Variants in RINT1 observed in about 807,000 individuals in gnomAD.
RINT1 encodes RAD50 interactor 1, also known as RAD50-interacting protein 1.
In RINT1, 75 loss-of-function variants were observed where a neutral mutation model predicts 97.7. The ratio of observed to expected loss-of-function variants is 0.77; its 90% CI spans 0.64 to 0.93. The LOEUF (loss-of-function observed/expected upper bound fraction) is 0.93, where lower values mean the gene tolerates loss of function less well. Among genes scored for constraint, RINT1 ranks in the 40% least tolerant of loss-of-function variants. RINT1 has a pLI of 0.00. For synonymous variants in RINT1, 303 were observed against 326.3 expected, an observed-to-expected ratio of 0.93 and a Z score of 0.77; for missense variants, 892 against 925.2, an observed-to-expected ratio of 0.96 and a Z score of 0.47.
chr7:105,553,514 A>G (rs570578256), intron 10 of RINT1, among the ~76,000 whole-genome samples: 3 of 150,244 alleles, frequency 2.0e-5, no homozygotes, highest in African/African-American at 7.3e-5. Flanking sequence ...AGGTCAGGAG[A>G]TCGAGACCAT....
At chr7:105,538,531 A>C (rs1223053355) in intron 3 of RINT1, among the ~76,000 whole-genome samples, 1 of 152,130 alleles carries the variant, frequency 6.6e-6, no homozygotes, top group African/African-American at 2.4e-5. Flanking sequence ...AGCTGAGTAG[A>C]TTGATGCCAA....
At position 105,532,326 on chromosome 7, in the gene RINT1, C is replaced by A; in HGVS notation, c.11C>A (p.Ala4Asp). The A allele has an allele frequency of 6.3e-7, 1 of 1,594,520 alleles. No individual in the cohort carries two copies. Residue 4 changes from alanine to aspartate, a missense_variant, in exon 1 of 15, where the codon GCC becomes GAC. Physicochemically the swap from Ala to Asp is moderately radical, Grantham distance 126 (BLOSUM62 -2). Transcript: ENST00000257700. ...TCGCGCGGAGGCGAGATGCTACCAG[C>A]CGGCGAGATCGGCGCCTCTCCTGCA... MLP[A>D]GEIGASPAAP...
At chr7:105,540,523 A>G (rs1295337897) in intron 3 of RINT1, among the ~76,000 whole-genome samples, 1 of 151,954 alleles carries the variant, frequency 6.6e-6, no homozygotes, top group Admixed American at 6.6e-5. Context: ...CTGCCTCCCA[A>G]AGTGCTAGGA....
intron 11 of RINT1, among the ~76,000 whole-genome samples, chr7:105,560,694 C>T (rs1392842003): frequency 1.3e-5 from 2 of 151,714 alleles, no homozygotes. Flanking sequence ...CTTAAGAAAC[C>T]ATTTCAAGGG....
intron 11 of RINT1, among the ~76,000 whole-genome samples, chr7:105,562,293 C>G (rs1221880819): frequency 5.3e-5 from 8 of 152,258 alleles, no homozygotes. Flanking sequence ...TTCTTTCACC[C>G]AGGCTGCAGT....
intron 11 of RINT1, 45 bp downstream of exon 11, chr7:105,555,272 A>T (rs761821590): frequency 3.4e-6 from 5 of 1,471,684 alleles, no homozygotes; most frequent in Non-Finnish European, 4.7e-6. Context: ...ACTAGTTCGA[A>T]CTATTTTATT....
Position 105,567,185 on chromosome 7 carries a change from G to A in RINT1, c.2253G>A (p.Leu751=). The A allele has an allele frequency of 6.2e-7, 1 of 1,611,432 alleles. No individual in the cohort carries two copies. Among genetic ancestry groups the A allele is most frequent in the Non-Finnish European group, 8.5e-7 (1 of 1,179,318 alleles). The change falls in exon 15 of 15, where the codon CTG becomes CTA. Residue 751 remains leucine, a synonymous_variant. Coordinates refer to ENST00000257700, the MANE Select transcript of RINT1 (RefSeq NM_021930.6). The part of the protein sequence containing the change: ...VGSALLLKDV[L]QSASGQLPAT... ...CTGCACTACTGCTGAAAGATGTACT[G>A]CAGTCAGCTTCAGGGCAGCTTCCTG...
rs1252317568 is a variant in RINT1, at chr7:105,555,169, C to A, written c.1613C>A (p.Ala538Glu). Residue 538 changes from alanine (A) to glutamate (E), a missense_variant, in exon 11 of 15, where the codon GCA (alanine) becomes GAA (glutamate). By Grantham distance (107) the Ala-to-Glu change is moderately radical. Coordinates refer to ENST00000257700, the MANE Select transcript of RINT1 (RefSeq NM_021930.6). ...TRASLGFRYC[A>E]ILNAVNYIST... ...GCTTCCCTTGGCTTTCGATACTGTG[C>A]AATTCTTAATGCTGTGAACTACATC... is the stretch of plus-strand genomic sequence containing the variant. The A allele has an allele frequency of 6.8e-6, 11 of 1,614,054 alleles. No homozygotes were observed. The highest frequency in any genetic ancestry group is 1.7e-5 in the Admixed American group (1 of 60,012).
At chr7:105,550,033 A>G (rs1790857795) in intron 7 of RINT1, 22 bp from the exon 8 acceptor site, 1 of 1,456,146 alleles carries the variant, frequency 6.9e-7, no homozygotes, top group Non-Finnish European at 9.5e-7. Flanking sequence ...TAAGAATTCA[A>G]ACTATTTTCC....
In RINT1 at chr7:105,563,801, G is replaced by C. The variant is rs1451205442; in HGVS notation, c.1740G>C (p.Gln580His). The stretch of plus-strand genomic sequence containing the variant: ...AGAATAATACTCTGAGTAAATTGCA[G>C]CTAGGACAGCTAGCCTCTATGGAGA... ...FAENNTLSKL[Q>H]LGQLASMESS... Residue 580 changes from glutamine to histidine, a missense_variant, in exon 12 of 15, where the codon CAG (glutamine) becomes CAC (histidine). By Grantham distance (24) the Gln-to-His change is conservative. Transcript: ENST00000257700. The C allele has an allele frequency of 6.2e-7, 1 of 1,614,146 alleles. No homozygotes were observed. The highest frequency in any genetic ancestry group is 8.5e-7 in the Non-Finnish European group (1 of 1,179,996).
intron 6 of RINT1, 71 bp downstream of exon 6, chr7:105,547,404 A>G: frequency 6.6e-7 from 1 of 1,507,674 alleles, no homozygotes; most frequent in Non-Finnish European, 9.1e-7. Context: ...TAGAGAGTAA[A>G]ACTTTTTCAA....
intron 12 of RINT1, 95 bp from the exon 13 acceptor site, chr7:105,565,182 C>T (rs1323521269): frequency 1.8e-6 from 2 of 1,081,306 alleles, no homozygotes; most frequent in Non-Finnish European, 1.3e-6. Flanking sequence ...TCCAAAATGC[C>T]CTAGGACAGA....
intron 2 of RINT1, among the ~76,000 whole-genome samples, chr7:105,534,349 A>G (rs546839376): frequency 1.3e-5 from 2 of 152,210 alleles, no homozygotes; most frequent in South Asian, 2.1e-4. Context: ...GATTATAGGC[A>G]TGAGCCACTG....
chr7:105,554,968 T>A, intron 10 of RINT1, 60 bp from the exon 11 acceptor site: 1 of 1,374,762 alleles, frequency 7.3e-7, no homozygotes, highest in Non-Finnish European at 1.0e-6. Flanking sequence ...TAGGGAAAAC[T>A]TATAACTATA....
intron 7 of RINT1, among the ~76,000 whole-genome samples, chr7:105,549,317 A>G (rs797021905): frequency 1.8e-4 from 28 of 151,626 alleles, no homozygotes; most frequent in African/African-American, 6.8e-4. Flanking sequence ...TTAAACCTGT[A>G]TAAGACATGC....
chr7:105,553,816 G>A (rs1791044779), intron 10 of RINT1, among the ~76,000 whole-genome samples: 1 of 149,892 alleles, frequency 6.7e-6, no homozygotes, highest in Admixed American at 6.7e-5. Flanking sequence ...CACCTCCTGG[G>A]TTCACACCAT....
chr7:105,564,546 C>T (rs1791603119), intron 12 of RINT1, among the ~76,000 whole-genome samples: 1 of 152,184 alleles, frequency 6.6e-6, no homozygotes, highest in Non-Finnish European at 1.5e-5. Context: ...GTTTATCCCA[C>T]TACCATTCAC....
At chr7:105,537,414 G>A (rs1200466528) in intron 3 of RINT1, among the ~76,000 whole-genome samples, 1 of 151,920 alleles carries the variant, frequency 6.6e-6, no homozygotes, top group East Asian at 1.9e-4. Context: ...ACAGATGTGA[G>A]CTGCTATACC....
At chr7:105,547,360 C>G (rs1280827122) in intron 6 of RINT1, 27 bp downstream of exon 6, 4 of 1,606,668 alleles carry the variant, frequency 2.5e-6, no homozygotes, top group Non-Finnish European at 1.7e-6. Context: ...TGAAAACTTA[C>G]TAAAATTTCT....
Sources: allele counts gnomAD v4.1 joint callset (sites outside exome capture counted in the v4.1 genomes callset), GRCh38; gene constraint gnomAD v4.1.1; transcripts MANE v1.5; gene names NCBI Gene and HGNC (gene_info 2026-07-23, HGNC 2026-07-21).